PAQR3: variants seen among roughly 807,000 people sequenced by gnomAD.
The protein encoded by PAQR3 is progestin and adipoQ receptor family member 3, also known as Raf kinase trapping to Golgi.
In PAQR3, 39 loss-of-function variants were observed where a neutral mutation model predicts 41.7. The ratio of observed to expected loss-of-function variants is 0.93; its 90% CI spans 0.72 to 1.22. The LOEUF (loss-of-function observed/expected upper bound fraction) is 1.22, where lower values mean the gene tolerates loss of function less well. Ranked by LOEUF, PAQR3 falls within the 50% of genes most tolerant of loss-of-function variation. The pLI is 0.00. For synonymous variants in PAQR3, 140 were observed against 140.6 expected, an observed-to-expected ratio of 1.00 and a Z score of 0.03; for missense variants, 366 against 385.6, an observed-to-expected ratio of 0.95 and a Z score of 0.42.
In PAQR3 at chr4:78,915,863, T is replaced by A. The variant is rs530142282; in HGVS notation, c.*4676A>T. 1 of 152,084 alleles carries A rather than the reference T, an allele frequency of 6.6e-6. No individual in the cohort carries two copies. Among genetic ancestry groups the A allele is most frequent in the African/African-American group, 2.4e-5 (1 of 41,562 alleles). The allele number at this position is 152,084 out of a possible 1,614,324, so 9.4% of individuals were successfully genotyped here. A position where few individuals can be genotyped will look rare whatever the true frequency, so the allele number is the denominator to read the frequency against. On this transcript the variant is annotated 3_prime_UTR_variant, in exon 6 of 6. Coordinates refer to ENST00000512733, the MANE Select transcript of PAQR3 (RefSeq NM_001040202.2). Reference sequence around the variant, plus strand: ...TTTGAAAGAATTGTTTTTATGACTATGCTCTTTTTGTGATTGAAAAGTCAT... The same window carrying A: ...TTTGAAAGAATTGTTTTTATGACTAAGCTCTTTTTGTGATTGAAAAGTCAT...
At position 78,919,259 on chromosome 4, in the gene PAQR3, T is replaced by C. The variant is rs746845854; in HGVS notation, c.*1280A>G. Reference sequence around the variant, plus strand: ...AAAATACACCAGTATTTAAAACAGCTCATGTCAACTCATGAAGAAACTTGG... The same window carrying C: ...AAAATACACCAGTATTTAAAACAGCCCATGTCAACTCATGAAGAAACTTGG... On this transcript the variant is annotated 3_prime_UTR_variant, in exon 6 of 6. Transcript: ENST00000512733. 55 of 984,220 alleles carry C rather than the reference T, an allele frequency of 5.6e-5. No homozygotes were observed. The highest frequency in any genetic ancestry group is 1.9e-4 in the Admixed American group (3 of 16,166). The allele number at this position is 984,220 out of a possible 1,614,324, so 61.0% of individuals were successfully genotyped here. A position where few individuals can be genotyped will look rare whatever the true frequency, so the allele number is the denominator to read the frequency against.
At position 78,919,118 on chromosome 4, in the gene PAQR3, T is replaced by C. The variant is rs532081046; in HGVS notation, c.*1421A>G. ...AAAGAAACACAACATTTTACTGATG[T>C]ATTAACTGAGGCACATTAGTGACTT... On this transcript the variant is annotated 3_prime_UTR_variant, in exon 6 of 6. Coordinates refer to ENST00000512733, the MANE Select transcript of PAQR3 (RefSeq NM_001040202.2). 224 of 985,066 alleles carry C rather than the reference T, an allele frequency of 2.3e-4. No homozygotes were observed. Among genetic ancestry groups the C allele is most frequent in the Middle Eastern group, 5.2e-4 (1 of 1,914 alleles). The allele number at this position is 985,066 out of a possible 1,614,324, so 61.0% of individuals were successfully genotyped here.
intron 12 of PAQR3, among the ~76,000 whole-genome samples, chr4:78,887,870 AAG>A (rs1733185732): frequency 6.6e-6 from 1 of 152,178 alleles, no homozygotes. Flanking sequence ...AGTGGAAAAA[AAG>A]AGTTTTAATC....
chr4:78,935,301 A>C lies in PAQR3; in HGVS notation c.186-18T>G, dbSNP rs772138962. On this transcript the variant is annotated intron_variant, in intron 1 of 5. Transcript: ENST00000512733. ...TAAACAAACTGGAAAATAAACACAC[A>C]TGCAACTGAGATTCACATTGGCCAA... The C allele has an allele frequency of 2.7e-5, 44 of 1,603,770 alleles. No individual in the cohort carries two copies. The highest frequency in any genetic ancestry group is 3.7e-5 in the Non-Finnish European group (44 of 1,176,280).
rs1735052786 is a variant in PAQR3, at chr4:78,916,189, A to G, written c.*4350T>C. 4 of 151,800 alleles carry G rather than the reference A, an allele frequency of 2.6e-5. No individual in the cohort carries two copies. The South Asian group carries it at 8.3e-4, about 31-fold the overall frequency. 9.4% of individuals were successfully genotyped at this position (151,800 alleles called of 1,614,324 possible). A position where few individuals can be genotyped will look rare whatever the true frequency, so the allele number is the denominator to read the frequency against. ...CCCCTGCCATATCTAATTAAGCACT[A>G]ACTGATTTTATTACTTTATTGCCTT... On this transcript the variant is annotated 3_prime_UTR_variant, in exon 6 of 6. Coordinates refer to ENST00000512733, the MANE Select transcript of PAQR3 (RefSeq NM_001040202.2).
downstream of PAQR3, chr4:78,910,612 T>G: frequency 6.5e-7 from 1 of 1,527,404 alleles, no homozygotes; most frequent in Non-Finnish European, 8.8e-7. Context: ...ACTTGCAGGT[T>G]CTCCTGAAAA....
chr4:78,911,172 G>T, downstream of PAQR3: 10 of 1,613,724 alleles, frequency 6.2e-6, no homozygotes, highest in Non-Finnish European at 8.5e-6. Flanking sequence ...AGCAAGAAAA[G>T]AATGAAAAGA....
Position 78,919,189 on chromosome 4 carries a change from C to A in PAQR3, c.*1350G>T. ...AAGGCATTTTGGGAATAAGCTTCATCATCAATTAACATTTTTTCTGATATT... is the reference window on the plus strand; with the variant it reads ...AAGGCATTTTGGGAATAAGCTTCATAATCAATTAACATTTTTTCTGATATT... On this transcript the variant is annotated 3_prime_UTR_variant, in exon 6 of 6. Coordinates refer to ENST00000512733, the MANE Select transcript of PAQR3 (RefSeq NM_001040202.2). 1.0e-6 allele frequency: 1 copy of A among 985,070 alleles called. No individual in the cohort carries two copies. Among genetic ancestry groups the A allele is most frequent in the South Asian group, 4.7e-5 (1 of 21,286 alleles). The allele number at this position is 985,070 out of a possible 1,614,324, so 61.0% of individuals were successfully genotyped here.
intron 11 of PAQR3, among the ~76,000 whole-genome samples, chr4:78,893,064 C>G (rs1017718979): frequency 2.0e-5 from 3 of 152,196 alleles, no homozygotes; most frequent in Non-Finnish European, 4.4e-5. Flanking sequence ...ATTTTTTAAT[C>G]CACAGTAGAA....
At chr4:78,911,569 T>C, downstream of PAQR3, 10 of 1,613,924 alleles carry the variant, frequency 6.2e-6, no homozygotes, top group Non-Finnish European at 7.6e-6. Flanking sequence ...AAAGAAGACT[T>C]TGAAGCCTAC....
chr4:78,922,446 A>G (rs1273583106), intron 5 of PAQR3: 2 of 1,288,064 alleles, frequency 1.6e-6, no homozygotes, highest in Non-Finnish European at 2.0e-6. Context: ...AAGAGGGGAT[A>G]AATTTGCAGT....
chr4:78,890,468 T>C (rs1292397790), intron 11 of PAQR3, among the ~76,000 whole-genome samples: 2 of 152,090 alleles, frequency 1.3e-5, no homozygotes, highest in Admixed American at 1.3e-4. Context: ...GACACAGTTT[T>C]TGGTTGATTC....
intron 1 of PAQR3, 95 bp from the exon 2 acceptor site, chr4:78,935,378 T>C (rs1737321916): frequency 1.9e-6 from 2 of 1,056,842 alleles, no homozygotes; most frequent in South Asian, 1.7e-5. Flanking sequence ...TACCTAATAC[T>C]TGCTCCTTTA....
At position 78,921,726 on chromosome 4, in the gene PAQR3, T is replaced by C. The variant is rs1735681061; in HGVS notation, c.794-1045A>G. 10 of 984,722 alleles carry C rather than the reference T, an allele frequency of 1.0e-5. No individual in the cohort carries two copies. The South Asian group carries it at 3.8e-4, about 37-fold the overall frequency. The allele number at this position is 984,722 out of a possible 1,614,324, so 61.0% of individuals were successfully genotyped here. On this transcript the variant is annotated intron_variant, in intron 5 of 5. Transcript: ENST00000512733. Reference sequence around the variant, plus strand: ...CTGAATGAAAGCTTTTAGTTTAAAATTTATTTTATTTCCCAGTGGCCAGGT... The same window carrying C: ...CTGAATGAAAGCTTTTAGTTTAAAACTTATTTTATTTCCCAGTGGCCAGGT...
intron 5 of PAQR3, chr4:78,923,104 C>G (rs1735827799): frequency 2.6e-6 from 1 of 387,480 alleles, no homozygotes; most frequent in African/African-American, 2.1e-5. Context: ...AGCTTTGTCA[C>G]CATTATCTAT....
downstream of PAQR3, chr4:78,910,853 A>C (rs1560559845): frequency 6.2e-7 from 1 of 1,613,992 alleles, no homozygotes; most frequent in Non-Finnish European, 8.5e-7. Context: ...CAGGGGGAAC[A>C]AGGAGATTTT....
At chr4:78,890,621 A>C (rs1733383467) in intron 11 of PAQR3, among the ~76,000 whole-genome samples, 1 of 152,032 alleles carries the variant, frequency 6.6e-6, no homozygotes, top group Non-Finnish European at 1.5e-5. Context: ...TTGTTTGCTT[A>C]GTTTTTTATG....
chr4:78,920,478 GTA>G lies in PAQR3; in HGVS notation c.*59_*60del. 2 of 1,512,962 alleles carry G rather than the reference GTA, an allele frequency of 1.3e-6. No homozygotes were observed. Among genetic ancestry groups the G allele is most frequent in the African/African-American group, 2.8e-5 (2 of 71,194 alleles). The allele number at this position is 1,512,962 out of a possible 1,614,324, so 93.7% of individuals were successfully genotyped here. A position where few individuals can be genotyped will look rare whatever the true frequency, so the allele number is the denominator to read the frequency against. On this transcript the variant is annotated 3_prime_UTR_variant, in exon 6 of 6. Coordinates refer to ENST00000512733, the MANE Select transcript of PAQR3 (RefSeq NM_001040202.2). ...TAATGGGAATCTTAGAAATAGTGGG[GTA>G]TACAATTCCCCATTATATATTGCTT...
In PAQR3 at chr4:78,912,079, G is replaced by A. The variant is rs375459273; in HGVS notation, c.*8460C>T. 3.3e-5 allele frequency: 50 copies of A among 1,512,334 alleles called. No homozygotes were observed. Among genetic ancestry groups the A allele is most frequent in the Non-Finnish European group, 4.3e-5 (48 of 1,118,582 alleles). 93.7% of individuals were successfully genotyped at this position (1,512,334 alleles called of 1,614,324 possible). A position where few individuals can be genotyped will look rare whatever the true frequency, so the allele number is the denominator to read the frequency against. Reference sequence around the variant, plus strand: ...GCATTAACTCCTGTTTCAAAAAAGTGTGAACAGTTTTATGAATTTGAAAGA... The same window carrying A: ...GCATTAACTCCTGTTTCAAAAAAGTATGAACAGTTTTATGAATTTGAAAGA... On this transcript the variant is annotated 3_prime_UTR_variant, in exon 6 of 6. Transcript: ENST00000512733.
Sources: gnomAD v4.1 joint callset for allele counts (sites outside exome capture counted in the v4.1 genomes callset) on GRCh38, gnomAD v4.1.1 for gene constraint, MANE v1.5 for transcripts, NCBI Gene and HGNC (gene_info 2026-07-23, HGNC 2026-07-21) for gene names.